Variants in COA8 observed in about 807,000 individuals in gnomAD.
The protein encoded by COA8 is cytochrome c oxidase assembly factor 8.
COA8 carries 20 observed loss-of-function variants against 22.0 expected under a neutral mutation model. That is an observed-to-expected ratio of 0.91 (90% CI 0.64 to 1.32). The LOEUF (loss-of-function observed/expected upper bound fraction) is 1.32. Ranked by LOEUF, COA8 falls within the 40% of genes most tolerant of loss-of-function variation. COA8 has a pLI of 0.00. For missense variants in COA8, 266 were observed against 230.0 expected, an observed-to-expected ratio of 1.16 and a Z score of -1.01; for synonymous variants, 105 against 79.9, an observed-to-expected ratio of 1.31 and a Z score of -1.68.
chr14:103,583,266 G>A (rs979557505), intron 3 of COA8, among the ~76,000 whole-genome samples: 5 of 152,022 alleles, frequency 3.3e-5, no homozygotes, highest in Non-Finnish European at 7.4e-5. Context: ...TTGGCCTGGC[G>A]CGGTGGCTCA....
At chr14:103,588,424 G>A in intron 4 of COA8, 1 of 366,810 alleles carries the variant, frequency 2.7e-6, no homozygotes, top group Non-Finnish European at 4.8e-6. Context: ...AGCCTGGATG[G>A]CAGACAGAGT....
intron 3 of COA8, among the ~76,000 whole-genome samples, chr14:103,583,369 A>G (rs1285361451): frequency 6.6e-6 from 1 of 151,578 alleles, no homozygotes; most frequent in Non-Finnish European, 1.5e-5. Context: ...GTGAAACCCG[A>G]TCTCTACTAA....
intron 1 of COA8, chr14:103,563,490 T>C: frequency 2.6e-6 from 1 of 391,774 alleles, no homozygotes; most frequent in Non-Finnish European, 4.9e-6. Context: ...GTTTTGGCTT[T>C]GTTACAATTA....
intron 1 of COA8, among the ~76,000 whole-genome samples, chr14:103,568,805 T>C (rs1248319114): frequency 6.6e-6 from 1 of 151,972 alleles, no homozygotes; most frequent in African/African-American, 2.4e-5. Context: ...TATTTTTTGG[T>C]ATTTTAAGTA....
At chr14:103,582,736 C>CTTT (rs1566984453) in intron 3 of COA8, among the ~76,000 whole-genome samples, 1 of 63,022 alleles carries the variant, frequency 1.6e-5, no homozygotes, top group African/African-American at 8.1e-5. Flanking sequence ...ATTCACCCTG[C>CTTT]CTTTTTTTTT....
chr14:103,569,371 A>G (rs1480298968), intron 1 of COA8, among the ~76,000 whole-genome samples: 1 of 152,254 alleles, frequency 6.6e-6, no homozygotes, highest in African/African-American at 2.4e-5. Context: ...ATTTGAAAAT[A>G]TCGGTACACC....
intron 1 of COA8, among the ~76,000 whole-genome samples, chr14:103,571,055 G>C (rs1223287337): frequency 6.6e-6 from 1 of 152,180 alleles, no homozygotes. Context: ...AGTAATTGGA[G>C]AAGTTGCAGA....
At position 103,590,254 on chromosome 14, in the gene COA8, C is replaced by T; in HGVS notation, c.550C>T (p.Leu184Phe). The T allele has an allele frequency of 6.2e-7, 1 of 1,614,098 alleles. No homozygotes were observed. The highest frequency in any genetic ancestry group is 1.7e-4 in the Middle Eastern group (1 of 6,060). ...GGCCCTGGAAAGGATTTGGAACAAGCTTAAACAGAAACAAAAGAAGAGGAG... is the reference window on the plus strand; with the variant it reads ...GGCCCTGGAAAGGATTTGGAACAAGTTTAAACAGAAACAAAAGAAGAGGAG... ...KVALERIWNK[L>F]KQKQKKRSN is the part of the protein sequence containing the mutation. The change falls in exon 5 of 5, where the codon CTT (leucine) becomes TTT (phenylalanine). Residue 184 changes from leucine (L) to phenylalanine (F), a missense_variant. Physicochemically the swap from Leu to Phe is conservative, Grantham distance 22. Coordinates refer to ENST00000409074, the MANE Select transcript of COA8 (RefSeq NM_001370595.2).
chr14:103,587,508 C>CTT (rs368240107), intron 4 of COA8, 144 bp downstream of exon 4: 671 of 307,678 alleles, frequency 2.2e-3, no homozygotes, highest in South Asian at 4.9e-3. Context: ...TTCTTTTTTT[C>CTT]TTTTTTTTTT....
chr14:103,582,140 CT>C (rs1419091792), intron 3 of COA8, among the ~76,000 whole-genome samples: 1 of 152,174 alleles, frequency 6.6e-6, no homozygotes, highest in Admixed American at 6.5e-5. Context: ...GCAGGAGCCC[CT>C]GAGCCAGAGC....
intron 3 of COA8, among the ~76,000 whole-genome samples, chr14:103,582,049 A>G (rs1354934117): frequency 6.6e-6 from 1 of 152,188 alleles, no homozygotes; most frequent in Admixed American, 6.5e-5. Flanking sequence ...AGGGAAAGGC[A>G]GTCTGCCGGG....
intron 1 of COA8, chr14:103,567,385 A>C (rs1486899088): frequency 6.6e-6 from 1 of 151,838 alleles, no homozygotes; most frequent in African/African-American, 2.4e-5. Flanking sequence ...AAAAAAAAAA[A>C]AAAAAAAATT....
chr14:103,571,865 C>A (rs776828577), intron 2 of COA8, 45 bp downstream of exon 2: 1 of 1,539,896 alleles, frequency 6.5e-7, no homozygotes, highest in African/African-American at 1.4e-5. Flanking sequence ...CGGTGGCTCA[C>A]GCCTGTAATC....
intron 4 of COA8, among the ~76,000 whole-genome samples, chr14:103,589,775 G>A (rs1231317354): frequency 7.9e-5 from 12 of 151,852 alleles, no homozygotes; most frequent in Non-Finnish European, 1.3e-4. Context: ...TTAGCCGGGT[G>A]TGGTGGCGGG....
intron 1 of COA8, among the ~76,000 whole-genome samples, chr14:103,568,479 A>G (rs1318473625): frequency 6.6e-6 from 1 of 151,852 alleles, no homozygotes; most frequent in African/African-American, 2.4e-5. Flanking sequence ...ACACACACAT[A>G]TATACACACA....
intron 1 of COA8, among the ~76,000 whole-genome samples, chr14:103,569,652 T>A (rs2076166437): frequency 6.6e-6 from 1 of 151,650 alleles, no homozygotes; most frequent in Non-Finnish European, 1.5e-5. Flanking sequence ...AGGGAAGGAG[T>A]CGCCGTCCTG....
At chr14:103,579,170 A>T (rs1033244091) in intron 3 of COA8, among the ~76,000 whole-genome samples, 2 of 152,062 alleles carry the variant, frequency 1.3e-5, no homozygotes, top group African/African-American at 4.8e-5. Flanking sequence ...TCTTTATCCG[A>T]GGGATACATT....
chr14:103,580,423 T>C (rs1216670465), intron 3 of COA8, among the ~76,000 whole-genome samples: 1 of 152,026 alleles, frequency 6.6e-6, no homozygotes, highest in African/African-American at 2.4e-5. Flanking sequence ...TTCTCCTGCC[T>C]CAGCCTCCCA....
At chr14:103,583,185 C>G (rs1001831148) in intron 3 of COA8, among the ~76,000 whole-genome samples, 4 of 152,064 alleles carry the variant, frequency 2.6e-5, no homozygotes, top group Non-Finnish European at 5.9e-5. Context: ...TACCCTTTGG[C>G]TATTATGAAT....
Sources: gnomAD v4.1 joint callset for allele counts (sites outside exome capture counted in the v4.1 genomes callset) on GRCh38, gnomAD v4.1.1 for gene constraint, MANE v1.5 for transcripts, NCBI Gene and HGNC (gene_info 2026-07-23, HGNC 2026-07-21) for gene names.